AFF3: variants seen among roughly 807,000 people sequenced by gnomAD.
AFF3 encodes the protein AF4/FMR2 family member 3.
Under a neutral mutation model 129.7 loss-of-function variants are expected in AFF3, and 32 were observed. That is an observed-to-expected ratio of 0.25 (90% confidence interval 0.19 to 0.33). The LOEUF (loss-of-function observed/expected upper bound fraction) is 0.33. Ranked by LOEUF, AFF3 falls within the 10% of genes least tolerant of loss-of-function variation. AFF3 has a pLI of 1.00. For synonymous variants in AFF3, 644 were observed against 635.4 expected, an observed-to-expected ratio of 1.01 and a Z score of -0.20; for missense variants, 1,373 against 1,592.0, an observed-to-expected ratio of 0.86 and a Z score of 2.34.
intron 8 of AFF3, among the ~76,000 whole-genome samples, chr2:99,770,266 C>T (rs548474103): frequency 5.3e-5 from 8 of 152,346 alleles, no homozygotes; most frequent in Admixed American, 2.6e-4. Context: ...GCCACGACCA[C>T]GACAGGCCCA....
In AFF3 at chr2:99,601,615, C is replaced by A; in HGVS notation, c.1191G>T (p.Val397=). The change falls in exon 14 of 25, where the codon GTG becomes GTT. Residue 397 remains valine (V), a synonymous_variant. Coordinates refer to ENST00000672756, the MANE Select transcript of AFF3 (RefSeq NM_001386135.1). ...AGGTTCTGCAGTTGGGCTGCTGGAC[C>A]ACGGCGCTGCCAGCCCGCGAGGCCC... ...TALRALSDSA[V]VQQPNCRTSV... 1 of 1,593,550 alleles carries A rather than the reference C, an allele frequency of 6.3e-7. No individual in the cohort carries two copies. The highest frequency in any genetic ancestry group is 1.9e-4 in the Middle Eastern group (1 of 5,162).
chr2:100,036,961 A>C (rs916051122), intron 4 of AFF3, among the ~76,000 whole-genome samples: 1 of 152,200 alleles, frequency 6.6e-6, no homozygotes, highest in African/African-American at 2.4e-5. Flanking sequence ...GAGCGGCAGG[A>C]GGTCTCATGC....
intron 11 of AFF3, among the ~76,000 whole-genome samples, chr2:99,717,133 G>C (rs763077713): frequency 6.6e-6 from 1 of 152,140 alleles, no homozygotes; most frequent in African/African-American, 2.4e-5. Context: ...GTTTATTCAC[G>C]AGTTGATGGA....
Position 99,604,771 on chromosome 2 carries a change from T to C in AFF3, c.1185-3150A>G, listed in dbSNP as rs538574038. Among the ~76,000 whole-genome samples, 52 of 152,300 alleles carry C rather than the reference T, an allele frequency of 3.4e-4. No individual in the cohort carries two copies. The South Asian group carries it at 0.011, about 31-fold the overall frequency. On this transcript the variant is annotated intron_variant, in intron 13 of 24. Coordinates refer to ENST00000672756, the MANE Select transcript of AFF3 (RefSeq NM_001386135.1). The stretch of plus-strand genomic sequence containing the variant: ...GGGGGACATAGATGTGGAGGAAAGA[T>C]ATGTGTTTCTCTGTCACCCTCTGGA...
chr2:99,764,344 A>G (rs373622523), intron 8 of AFF3, among the ~76,000 whole-genome samples: 23 of 152,154 alleles, frequency 1.5e-4, no homozygotes, highest in East Asian at 5.8e-4. Context: ...AGAAAAGTCA[A>G]GATACAGTCT....
intron 13 of AFF3, among the ~76,000 whole-genome samples, chr2:99,615,229 G>A (rs1479922692): frequency 6.6e-6 from 1 of 152,182 alleles, no homozygotes; most frequent in Non-Finnish European, 1.5e-5. Context: ...AGTCCAGATG[G>A]TAGAGGGCCC....
intron 9 of AFF3, among the ~76,000 whole-genome samples, chr2:99,751,323 C>T (rs1681638383): frequency 6.6e-6 from 1 of 152,148 alleles, no homozygotes; most frequent in Admixed American, 6.5e-5. Flanking sequence ...CAACTCTTGA[C>T]CTCAACTGAG....
At chr2:99,944,928 G>C (rs1432052153) in intron 7 of AFF3, among the ~76,000 whole-genome samples, 3 of 152,184 alleles carry the variant, frequency 2.0e-5, no homozygotes, top group Admixed American at 6.5e-5. Flanking sequence ...AACAGACTTA[G>C]AGAAAATGCA....
intron 12 of AFF3, among the ~76,000 whole-genome samples, chr2:99,671,147 A>G (rs539478629): frequency 6.6e-6 from 1 of 152,256 alleles, no homozygotes. Flanking sequence ...TACATGTTTG[A>G]TATGATTTAA....
chr2:100,107,341 A>G (rs945284601), intron 2 of AFF3: 24 of 985,342 alleles, frequency 2.4e-5, no homozygotes, highest in African/African-American at 3.5e-5. Context: ...GCCTCTGGGT[A>G]TGCAAACCAA....
intron 7 of AFF3, among the ~76,000 whole-genome samples, chr2:99,854,147 C>T (rs549343825): frequency 9.2e-5 from 14 of 151,434 alleles, no homozygotes; most frequent in African/African-American, 2.9e-4. Context: ...TAGTTTAGAA[C>T]GGACCTGAGG....
At chr2:99,618,224 CT>C (rs70940180) in intron 13 of AFF3, among the ~76,000 whole-genome samples, 108 of 80,056 alleles carry the variant, frequency 1.3e-3, no homozygotes, top group African/African-American at 3.7e-3. Flanking sequence ...TCATAACATT[CT>C]TTTTTTTTTT....
chr2:99,811,105 G>A (rs1686750839), intron 8 of AFF3, among the ~76,000 whole-genome samples: 1 of 152,196 alleles, frequency 6.6e-6, no homozygotes, highest in South Asian at 2.1e-4. Context: ...GGACATGGGA[G>A]GGACGTGCTT....
chr2:99,730,001 TATATATGC>T, intron 10 of AFF3, among the ~76,000 whole-genome samples: 1 of 152,128 alleles, frequency 6.6e-6, no homozygotes, highest in Non-Finnish European at 1.5e-5. Flanking sequence ...TATATGCAAA[TATATATGC>T]ATATATGTAA....
At chr2:99,668,881 C>T (rs565596686) in intron 12 of AFF3, among the ~76,000 whole-genome samples, 1 of 152,158 alleles carries the variant, frequency 6.6e-6, no homozygotes, top group South Asian at 2.1e-4. Flanking sequence ...TTTTTAAAAG[C>T]ATAATCTTTT....
At chr2:99,867,007 T>TA (rs1576227007) in intron 7 of AFF3, among the ~76,000 whole-genome samples, 2 of 131,590 alleles carry the variant, frequency 1.5e-5, no homozygotes, top group Admixed American at 7.8e-5. Flanking sequence ...TAATAAAAAA[T>TA]AAATAAAATA....
In AFF3 at chr2:99,938,192, C is replaced by T. The variant is rs191247092; in HGVS notation, c.873+68440G>A. Reference sequence around the variant, plus strand: ...ATTAACTCAGTGAACAATTACTGAGCACCTACCAATGAAGAATAACATCAG... The same window carrying T: ...ATTAACTCAGTGAACAATTACTGAGTACCTACCAATGAAGAATAACATCAG... On this transcript the variant is annotated intron_variant, in intron 7 of 24. Coordinates refer to ENST00000672756, the MANE Select transcript of AFF3 (RefSeq NM_001386135.1). Among the ~76,000 whole-genome samples the T allele has an allele frequency of 1.8e-3, 270 of 152,310 alleles. 2 individuals are homozygous for T. The highest frequency in any genetic ancestry group is 6.1e-3 in the African/African-American group (252 of 41,560).
chr2:100,083,932 T>C (rs1689226650), intron 4 of AFF3, among the ~76,000 whole-genome samples: 1 of 152,060 alleles, frequency 6.6e-6, no homozygotes, highest in African/African-American at 2.4e-5. Flanking sequence ...ACGGTATGGG[T>C]TCTGGCTCAG....
At chr2:100,113,745 T>A (rs1459238593) in intron 2 of AFF3, among the ~76,000 whole-genome samples, 1 of 151,830 alleles carries the variant, frequency 6.6e-6, no homozygotes, top group Non-Finnish European at 1.5e-5. Context: ...AAAGTCAAAG[T>A]GAGAGTGAGG....
Sources: allele counts gnomAD v4.1 joint callset (sites outside exome capture counted in the v4.1 genomes callset), GRCh38; gene constraint gnomAD v4.1.1; transcripts MANE v1.5; gene names NCBI Gene and HGNC (gene_info 2026-07-23, HGNC 2026-07-21).